SPG11: variants seen among roughly 807,000 people sequenced by gnomAD.
SPG11 encodes spatacsin.
Under a neutral mutation model 274.0 loss-of-function variants are expected in SPG11, and 222 were observed. The ratio of observed to expected loss-of-function variants is 0.81; its 90% CI spans 0.73 to 0.91. The LOEUF (loss-of-function observed/expected upper bound fraction) is 0.91, where lower values mean the gene tolerates loss of function less well. Ranked by LOEUF, SPG11 falls within the 40% of genes least tolerant of loss-of-function variation. The pLI, the probability that SPG11 is intolerant of heterozygous loss-of-function variation, is 0.00. For synonymous variants in SPG11, 1,144 were observed against 1,039.7 expected (o/e 1.10, Z -1.93); for missense variants, 3,114 against 2,872.7 (o/e 1.08, Z -1.92).
intron 20 of SPG11, among the ~76,000 whole-genome samples, chr15:44,602,229 G>A (rs2083210463): frequency 6.6e-6 from 1 of 151,752 alleles, no homozygotes; most frequent in Admixed American, 6.6e-5. Flanking sequence ...TAAATGCTCT[G>A]GCTAGGACTT....
In SPG11 at chr15:44,629,365, A is replaced by G. The variant is rs1438765066; in HGVS notation, c.1759T>C (p.Leu587=). 3.7e-6 allele frequency: 6 copies of G among 1,614,178 alleles called. No homozygotes were observed. Among genetic ancestry groups the G allele is most frequent in the Non-Finnish European group, 4.2e-6 (5 of 1,180,032 alleles). The change falls in exon 9 of 40, where the codon TTG becomes CTG. Residue 587 remains leucine (L), a synonymous_variant. Transcript: ENST00000261866. The part of the protein sequence containing the change: ...LRNVEELIPA[L]DLLCSAIRES... The stretch of plus-strand genomic sequence containing the variant: ...CTAATTGCCGAGCAAAGTAAATCCA[A>G]TGCTGGTATCAGCTCTTCCACATCT...
rs147469238 is a variant in SPG11 at position 44,643,161 on chromosome 15, C to T, written c.1602+5705G>A. On this transcript the variant is annotated intron_variant, in intron 7 of 39. Transcript: ENST00000261866. ...TGTGCACTGTTTAAGGGGAGAGGCA[C>T]TGTGTGAATTAAAATCCTGGTGCTA... Among the ~76,000 whole-genome samples, 740 of 152,214 alleles carry T rather than the reference C, an allele frequency of 4.9e-3. 4 individuals carry two copies. Among genetic ancestry groups the T allele is most frequent in the Non-Finnish European group, 7.7e-3 (521 of 68,008 alleles).
At position 44,570,584 on chromosome 15, in the gene SPG11, G is replaced by A. The variant is rs1567129475; in HGVS notation, c.6418C>T (p.Gln2140Ter). The A allele has an allele frequency of 6.2e-7, 1 of 1,614,194 alleles. No homozygotes were observed. The highest frequency in any genetic ancestry group is 8.5e-7 in the Non-Finnish European group (1 of 1,180,026). ...CHMEGIIRVL[Q>*]AAHMLTDNHL... is the part of the protein sequence containing the mutation. ...TTATCTGTGAGCATGTGGGCGGCCT[G>A]TAGGACTCGGATGATGCCCTCCATG... The change falls in exon 34 of 40, where the codon CAG (glutamine) becomes TAG (stop). Residue 2140 changes from glutamine (Q) to a stop codon, truncating the protein, a stop_gained. Coordinates refer to ENST00000261866, the MANE Select transcript of SPG11 (RefSeq NM_025137.4). LOFTEE classifies it high-confidence loss of function.
At position 44,571,496 on chromosome 15, in the gene SPG11, C is replaced by CTT. The variant is rs796235342; in HGVS notation, c.6344-840_6344-839dup. ...GGCTATTTTTATTTAAATTTCTTTTCTTTTTTTTTTTTTTTTTTTGAGATG... is the reference window on the plus strand; with the variant it reads ...GGCTATTTTTATTTAAATTTCTTTTCTTTTTTTTTTTTTTTTTTTTTGAGATG... On this transcript the variant is annotated intron_variant, in intron 33 of 39. Coordinates refer to ENST00000261866, the MANE Select transcript of SPG11 (RefSeq NM_025137.4). Among the ~76,000 whole-genome samples, 179 of 126,118 alleles carry CTT rather than the reference C, an allele frequency of 1.4e-3. 2 individuals are homozygous for CTT. Among genetic ancestry groups the CTT allele is most frequent in the East Asian group, 0.011 (47 of 4,380 alleles). The allele number at this position is 126,118 out of a possible 152,430, so 82.7% of individuals were successfully genotyped here.
chr15:44,600,327 C>T lies in SPG11; in HGVS notation c.3686+140G>A, dbSNP rs180782805. 7.0e-6 allele frequency: 6 copies of T among 851,670 alleles called. 1 individual carries two copies. In the Admixed American group the frequency reaches 1.0e-4, roughly 15 times the overall value. The allele number at this position is 851,670 out of a possible 1,614,324, so 52.8% of individuals were successfully genotyped here. A position where few individuals can be genotyped will look rare whatever the true frequency, so the allele number is the denominator to read the frequency against. On this transcript the variant is annotated intron_variant, in intron 21 of 39. Transcript: ENST00000261866. Reference sequence around the variant, plus strand: ...TTAGTGGCAGAGCCTCACTGTCACCCAGGCTAGAGTGCAGTGGCATGACCA... The same window carrying T: ...TTAGTGGCAGAGCCTCACTGTCACCTAGGCTAGAGTGCAGTGGCATGACCA...
chr15:44,604,931 CAAAAAA>C (rs908048525), intron 20 of SPG11, among the ~76,000 whole-genome samples: 492 of 22,454 alleles, frequency 0.022, 2 homozygotes, highest in Non-Finnish European at 0.029. Context: ...ACTCCATCTC[CAAAAAA>C]AAAAAAAAAA....
chr15:44,600,446 A>G (rs1368381745), intron 21 of SPG11, 21 bp downstream of exon 21: 1 of 1,613,702 alleles, frequency 6.2e-7, no homozygotes, highest in East Asian at 2.2e-5. Flanking sequence ...ACCCAGACAA[A>G]ATTATATTTT....
At chr15:44,641,691 C>T (rs1170522486) in intron 7 of SPG11, among the ~76,000 whole-genome samples, 1 of 145,340 alleles carries the variant, frequency 6.9e-6, no homozygotes, top group Admixed American at 7.0e-5. Flanking sequence ...CTGGAAAAAA[C>T]GTTATAAATT....
chr15:44,613,970 G>C (rs2083527633), intron 16 of SPG11, among the ~76,000 whole-genome samples: 2 of 152,220 alleles, frequency 1.3e-5, no homozygotes, highest in Non-Finnish European at 2.9e-5. Context: ...CTTGAGCCTA[G>C]GAGTTCGAGG....
chr15:44,583,880 G>A lies in SPG11; in HGVS notation c.5800C>T (p.Leu1934Phe), dbSNP rs979320869. 6.2e-7 allele frequency: 1 copy of A among 1,614,202 alleles called. No homozygotes were observed. The highest frequency in any genetic ancestry group is 1.7e-5 in the Admixed American group (1 of 60,024). Residue 1934 changes from leucine to phenylalanine, a missense_variant, in exon 30 of 40, where the codon CTC becomes TTC. By Grantham distance (22) the Leu-to-Phe change is conservative. Transcript: ENST00000261866. The stretch of plus-strand genomic sequence containing the variant: ...TCAAGCAGCTCAGCACTTTGTAGGA[G>A]AGCATGGATCTCTGGGTGCAGATCC... ...MEDLHPEIHA[L>F]LQSAELLEEE...
intron 35 of SPG11, among the ~76,000 whole-genome samples, chr15:44,569,101 C>T (rs574411205): frequency 1.6e-4 from 23 of 147,252 alleles, no homozygotes; most frequent in Admixed American, 1.3e-3. Context: ...ACCTGGGGGG[C>T]GGATGTTGCG....
At chr15:44,622,568 G>C in intron 12 of SPG11, 160 bp downstream of exon 12, 4 of 760,440 alleles carry the variant, frequency 5.3e-6, no homozygotes, top group Non-Finnish European at 6.5e-6. Context: ...ATTGAAGAAA[G>C]ATGAAGGGGA....
chr15:44,576,177 T>C (rs2082535224), intron 30 of SPG11, among the ~76,000 whole-genome samples: 1 of 147,214 alleles, frequency 6.8e-6, no homozygotes, highest in Admixed American at 6.7e-5. Context: ...AGCTCTTAGC[T>C]TAAAATAGGA....
rs904499208 is a variant in SPG11 at position 44,615,345 on chromosome 15, T to C, written c.3038+18A>G. 3.7e-6 allele frequency: 6 copies of C among 1,611,410 alleles called. No homozygotes were observed. The highest frequency in any genetic ancestry group is 5.1e-6 in the Non-Finnish European group (6 of 1,178,578). On this transcript the variant is annotated intron_variant, in intron 16 of 39. Coordinates refer to ENST00000261866, the MANE Select transcript of SPG11 (RefSeq NM_025137.4). ...ATGTGAAGACCTGCTCAAGGACAAA[T>C]GCATTCTCAGTACTCACTTGTAACA...
At chr15:44,609,728 C>T (rs971241120) in intron 18 of SPG11, among the ~76,000 whole-genome samples, 1 of 151,014 alleles carries the variant, frequency 6.6e-6, no homozygotes. Flanking sequence ...TCCCTGCCCC[C>T]GCCCAGCTTT....
At chr15:44,566,124 C>T (rs540281639) in intron 37 of SPG11, 93 bp downstream of exon 37, 47 of 1,586,038 alleles carry the variant, frequency 3.0e-5, no homozygotes, top group Admixed American at 6.9e-5. Context: ...GATGCCCTCC[C>T]GCTTCACCTG....
intron 35 of SPG11, among the ~76,000 whole-genome samples, chr15:44,568,774 T>C (rs2082357539): frequency 6.6e-6 from 1 of 152,188 alleles, no homozygotes; most frequent in Admixed American, 6.5e-5. Context: ...GACAATCCAC[T>C]TTCAGCCTGG....
intron 1 of SPG11, among the ~76,000 whole-genome samples, chr15:44,662,650 T>TAA (rs527806518): frequency 0.022 from 1,967 of 91,078 alleles, 99 homozygotes; most frequent in African/African-American, 0.079. Flanking sequence ...ACCTTATCTT[T>TAA]AAAAAAAAAA....
Position 44,589,484 on chromosome 15 carries a change from G to A in SPG11, c.4744-70C>T, listed in dbSNP as rs1218559831. ...ATAGCAAATCAAAACCTCCAAATCTGGGAACCTCTAAGAAAGCTAAAATTC... is the reference window on the plus strand; with the variant it reads ...ATAGCAAATCAAAACCTCCAAATCTAGGAACCTCTAAGAAAGCTAAAATTC... On this transcript the variant is annotated intron_variant, in intron 27 of 39. Coordinates refer to ENST00000261866, the MANE Select transcript of SPG11 (RefSeq NM_025137.4). 6 of 1,589,488 alleles carry A rather than the reference G, an allele frequency of 3.8e-6. No homozygotes were observed. The Admixed American group carries it at 6.7e-5, about 18-fold the overall frequency.
Sources: allele counts gnomAD v4.1 joint callset (sites outside exome capture counted in the v4.1 genomes callset), GRCh38; gene constraint gnomAD v4.1.1; transcripts MANE v1.5; gene names NCBI Gene and HGNC (gene_info 2026-07-23, HGNC 2026-07-21).